CEP128: variants seen among roughly 807,000 people sequenced by gnomAD.
The protein encoded by CEP128 is centrosomal protein 128.
CEP128 carries 132 observed loss-of-function variants against 156.7 expected under a neutral mutation model. That is an observed-to-expected ratio of 0.84 (90% confidence interval 0.73 to 0.97). The LOEUF (loss-of-function observed/expected upper bound fraction) is 0.97, where lower values mean the gene tolerates loss of function less well. CEP128 is among the 50% of genes least tolerant of loss of function. CEP128 has a pLI of 0.00. For missense variants in CEP128, 1,252 were observed against 1,281.9 expected, an observed-to-expected ratio of 0.98 and a Z score of 0.36; for synonymous variants, 469 against 448.9, an observed-to-expected ratio of 1.04 and a Z score of -0.57.
intron 2 of CEP128, among the ~76,000 whole-genome samples, chr14:80,928,994 T>A (rs1399452017): frequency 1.3e-5 from 2 of 151,158 alleles, no homozygotes; most frequent in East Asian, 3.9e-4. Flanking sequence ...AGGGCTAATA[T>A]CCAGAATCTA....
At chr14:80,617,495 A>G (rs555618127) in intron 19 of CEP128, among the ~76,000 whole-genome samples, 13 of 151,778 alleles carry the variant, frequency 8.6e-5, no homozygotes, top group African/African-American at 2.9e-4. Context: ...TCGGCCTCCC[A>G]AAGTGCTGGG....
At chr14:80,905,901 A>C in intron 5 of CEP128, 54 bp downstream of exon 5, 1 of 1,572,764 alleles carries the variant, frequency 6.4e-7, no homozygotes, top group South Asian at 1.1e-5. Context: ...AAATGTATTC[A>C]ATATCTACTT....
chr14:80,847,866 C>T (rs754619637), intron 9 of CEP128, among the ~76,000 whole-genome samples: 1 of 152,150 alleles, frequency 6.6e-6, no homozygotes, highest in Non-Finnish European at 1.5e-5. Context: ...TAGTCCCCAG[C>T]GCAGTACCTG....
chr14:80,771,676 T>A (rs1441900608), intron 16 of CEP128, among the ~76,000 whole-genome samples: 1 of 152,208 alleles, frequency 6.6e-6, no homozygotes, highest in Non-Finnish European at 1.5e-5. Flanking sequence ...TCTTAAACTA[T>A]CTCTTAATTG....
intron 19 of CEP128, among the ~76,000 whole-genome samples, chr14:80,676,244 A>T (rs1896054840): frequency 6.6e-6 from 1 of 152,138 alleles, no homozygotes; most frequent in South Asian, 2.1e-4. Flanking sequence ...ATATTTCAGT[A>T]AAGTTTTGTG....
At chr14:80,546,437 G>A (rs1889989025) in intron 21 of CEP128, among the ~76,000 whole-genome samples, 1 of 152,150 alleles carries the variant, frequency 6.6e-6, no homozygotes, top group Non-Finnish European at 1.5e-5. Flanking sequence ...TACACTTCTG[G>A]AACAAACGTA....
At chr14:80,862,445 T>C (rs536651173) in intron 9 of CEP128, among the ~76,000 whole-genome samples, 1 of 152,336 alleles carries the variant, frequency 6.6e-6, no homozygotes, top group South Asian at 2.1e-4. Flanking sequence ...AAACAGTATG[T>C]TAAGAGCTGT....
At position 80,865,804 on chromosome 14, in the gene CEP128, T is replaced by A. The variant is rs149687260; in HGVS notation, c.646-2931A>T. Reference sequence around the variant, plus strand: ...ACATGTCAAAGAAACAAAAGAAGCCTTTTAACAGGTCATGACAAACTGAAG... The same window carrying A: ...ACATGTCAAAGAAACAAAAGAAGCCATTTAACAGGTCATGACAAACTGAAG... On this transcript the variant is annotated intron_variant, in intron 8 of 24. Transcript: ENST00000555265. 3.1e-3 allele frequency among the ~76,000 whole-genome samples: 475 copies of A among 152,200 alleles called. 3 individuals are homozygous for A. Among genetic ancestry groups the A allele is most frequent in the Non-Finnish European group, 4.0e-3 (272 of 68,020 alleles).
intron 19 of CEP128, among the ~76,000 whole-genome samples, chr14:80,688,013 C>G (rs1032131854): frequency 8.5e-5 from 13 of 152,074 alleles, no homozygotes; most frequent in African/African-American, 3.1e-4. Context: ...ATAGTTGCTT[C>G]ATGTTAATCT....
chr14:80,625,018 C>T (rs1444916884), intron 19 of CEP128, among the ~76,000 whole-genome samples: 5 of 152,134 alleles, frequency 3.3e-5, no homozygotes, highest in African/African-American at 7.2e-5. Flanking sequence ...AGTATATTCC[C>T]TAGGTTTTCT....
intron 13 of CEP128, among the ~76,000 whole-genome samples, chr14:80,796,472 AT>A (rs112597568): frequency 1.4e-3 from 204 of 149,974 alleles, no homozygotes; most frequent in Non-Finnish European, 1.3e-3. Flanking sequence ...AAAAAAAAAA[AT>A]TTCCTTCACC....
At chr14:80,630,990 G>A (rs1367820470) in intron 19 of CEP128, among the ~76,000 whole-genome samples, 2 of 151,786 alleles carry the variant, frequency 1.3e-5, no homozygotes, top group African/African-American at 2.4e-5. Context: ...TTTCTCAAAG[G>A]GTAATTTTTA....
intron 19 of CEP128, among the ~76,000 whole-genome samples, chr14:80,689,290 CAAAAAAAAAA>C (rs57054840): frequency 2.1e-5 from 2 of 96,660 alleles, no homozygotes; most frequent in East Asian, 3.0e-4. Flanking sequence ...GACTCCGTCT[CAAAAAAAAAA>C]AAAAAAAAAA....
Position 80,950,491 on chromosome 14 carries a change from T to TA in CEP128, c.-172+7686dup, listed in dbSNP as rs575381367. On this transcript the variant is annotated intron_variant, in intron 2 of 7. Transcript: ENST00000555529. ...GGAGATGGAAATCCATTTTATGAGA[T>TA]AAAAAAGACGTTGGATGGGATTAGT... is the stretch of plus-strand genomic sequence containing the variant. Among the ~76,000 whole-genome samples, 351 of 152,128 alleles carry TA rather than the reference T, an allele frequency of 2.3e-3. 3 individuals are homozygous for TA. The highest frequency in any genetic ancestry group is 8.0e-3 in the African/African-American group (333 of 41,514).
downstream of CEP128, among the ~76,000 whole-genome samples, chr14:80,488,651 T>C (rs1190133189): frequency 6.6e-6 from 1 of 152,066 alleles, no homozygotes; most frequent in African/African-American, 2.4e-5. Context: ...CCCAAAGGAT[T>C]ATAAACCATG....
At chr14:80,754,141 A>G (rs2139651907) in intron 18 of CEP128, among the ~76,000 whole-genome samples, 1 of 152,200 alleles carries the variant, frequency 6.6e-6, no homozygotes, top group East Asian at 1.9e-4. Flanking sequence ...AAAATGGCAA[A>G]CAATGCTCTA....
chr14:80,907,134 A>T (rs923662130), intron 4 of CEP128, among the ~76,000 whole-genome samples: 1 of 152,200 alleles, frequency 6.6e-6, no homozygotes, highest in Non-Finnish European at 1.5e-5. Flanking sequence ...ATGAAACAGA[A>T]TGTGAGTCAC....
Position 80,940,103 on chromosome 14 carries a change from A to G in CEP128, c.-171-563T>C, listed in dbSNP as rs144988886. On this transcript the variant is annotated intron_variant, in intron 1 of 24. Transcript: ENST00000555265. The stretch of plus-strand genomic sequence containing the variant: ...AATCTGTAAGAATCCACAGGAAGTG[A>G]TCCAGAGAACTGGGAGTTGTCTACA... Among the ~76,000 whole-genome samples, 8 of 152,364 alleles carry G rather than the reference A, an allele frequency of 5.3e-5. No individual in the cohort carries two copies. In the East Asian group the frequency reaches 1.5e-3, roughly 29 times the overall value.
intron 17 of CEP128, among the ~76,000 whole-genome samples, chr14:80,757,435 C>T (rs1023659655): frequency 4.6e-5 from 7 of 152,172 alleles, no homozygotes; most frequent in Admixed American, 4.6e-4. Flanking sequence ...TAGACACAAA[C>T]TCATCGACAT....
Sources: gnomAD v4.1 joint callset for allele counts (sites outside exome capture counted in the v4.1 genomes callset) on GRCh38, gnomAD v4.1.1 for gene constraint, MANE v1.5 for transcripts, NCBI Gene and HGNC (gene_info 2026-07-23, HGNC 2026-07-21) for gene names.